Variants in MSI2 observed in about 807,000 individuals in gnomAD.
MSI2 encodes musashi RNA binding protein 2, also known as RNA-binding protein Musashi homolog 2.
In MSI2, 17 loss-of-function variants were observed where a neutral mutation model predicts 45.6. That is an observed-to-expected ratio of 0.37 (90% CI 0.26 to 0.56). The LOEUF (loss-of-function observed/expected upper bound fraction) is 0.56. Ranked by LOEUF, MSI2 falls within the 20% of genes least tolerant of loss-of-function variation. The probability of loss-of-function intolerance (pLI) is 0.77; values close to 1 mark genes in which losing one functional copy is unlikely to be tolerated. For synonymous variants in MSI2, 156 were observed against 158.2 expected (o/e 0.99, Z 0.11); for missense variants, 293 against 444.2 (o/e 0.66, Z 3.06).
intron 11 of MSI2, among the ~76,000 whole-genome samples, chr17:57,663,909 G>T (rs1403921185): frequency 6.6e-6 from 1 of 152,096 alleles, no homozygotes; most frequent in Non-Finnish European, 1.5e-5. Context: ...CCTGGCCTTC[G>T]AAGTTAAAGC....
At chr17:57,420,549 G>A (rs1376813337) in intron 6 of MSI2, among the ~76,000 whole-genome samples, 1 of 152,186 alleles carries the variant, frequency 6.6e-6, no homozygotes, top group African/African-American at 2.4e-5. Context: ...GAGGGAGTCG[G>A]CGCAGAGCTC....
At chr17:57,324,052 T>C (rs1913573999) in intron 5 of MSI2, among the ~76,000 whole-genome samples, 1 of 152,198 alleles carries the variant, frequency 6.6e-6, no homozygotes, top group South Asian at 2.1e-4. Context: ...CCCATGCCTG[T>C]AATCCCAGCA....
downstream of MSI2, among the ~76,000 whole-genome samples, chr17:57,685,307 G>A (rs1913849608): frequency 6.6e-6 from 1 of 152,152 alleles, no homozygotes; most frequent in South Asian, 2.1e-4. Flanking sequence ...GGTGATGACG[G>A]CTACAGCATG....
At position 57,486,956 on chromosome 17, in the gene MSI2, T is replaced by G. The variant is rs2085766382; in HGVS notation, c.406-42720T>G. 2.0e-5 allele frequency among the ~76,000 whole-genome samples: 3 copies of G among 152,106 alleles called. No individual in the cohort carries two copies. In the South Asian group the frequency reaches 6.2e-4, roughly 32 times the overall value. On this transcript the variant is annotated intron_variant, in intron 6 of 13. Transcript: ENST00000284073. Reference sequence around the variant, plus strand: ...ACCATAATACAAGGCAAGTAAGTACTGGGTGCATGCAAAGTGCTTTGGGAT... The same window carrying G: ...ACCATAATACAAGGCAAGTAAGTACGGGGTGCATGCAAAGTGCTTTGGGAT...
chr17:57,522,505 G>A (rs565571747), intron 6 of MSI2: 3 of 152,200 alleles, frequency 2.0e-5, no homozygotes, highest in South Asian at 4.2e-4. Flanking sequence ...GGCATGCATC[G>A]GCCACAGCAA....
chr17:57,314,279 G>A (rs575680676), intron 5 of MSI2, among the ~76,000 whole-genome samples: 13 of 152,260 alleles, frequency 8.5e-5, no homozygotes, highest in African/African-American at 3.1e-4. Flanking sequence ...TCTAAATACA[G>A]TCATATTTTG....
intron 6 of MSI2, among the ~76,000 whole-genome samples, chr17:57,469,766 A>G (rs2085398414): frequency 6.6e-6 from 1 of 152,248 alleles, no homozygotes; most frequent in Admixed American, 6.5e-5. Context: ...CCCCATCTCC[A>G]GAGTCTCCCT....
intron 7 of MSI2, among the ~76,000 whole-genome samples, chr17:57,584,419 C>T (rs2088288888): frequency 6.6e-6 from 1 of 152,202 alleles, no homozygotes; most frequent in Non-Finnish European, 1.5e-5. Flanking sequence ...AGACTCCAGG[C>T]AGGTTTGCTG....
intron 6 of MSI2, among the ~76,000 whole-genome samples, chr17:57,518,424 T>C (rs1158972321): frequency 6.6e-6 from 1 of 152,192 alleles, no homozygotes. Flanking sequence ...TGTCCTGATG[T>C]TTATTTCATG....
intron 10 of MSI2, among the ~76,000 whole-genome samples, chr17:57,651,039 T>C (rs1838058852): frequency 6.6e-6 from 1 of 152,198 alleles, no homozygotes; most frequent in Non-Finnish European, 1.5e-5. Flanking sequence ...CCTCCAAGCA[T>C]CTGCCTGGAT....
intron 6 of MSI2, among the ~76,000 whole-genome samples, chr17:57,496,654 T>C (rs8082362): frequency 0.91 from 139,236 of 152,262 alleles, 63,772 homozygotes; most frequent in African/African-American, 0.97. Flanking sequence ...GGCGGGAGTG[T>C]TGCGGGCAGC....
intron 5 of MSI2, among the ~76,000 whole-genome samples, chr17:57,275,074 A>C (rs1452155523): frequency 1.3e-5 from 2 of 152,216 alleles, no homozygotes; most frequent in East Asian, 3.8e-4. Flanking sequence ...GAGTATCTGA[A>C]GTTAGTTGAT....
intron 6 of MSI2, among the ~76,000 whole-genome samples, chr17:57,483,406 T>G (rs927987084): frequency 2.0e-5 from 3 of 152,174 alleles, no homozygotes; most frequent in Non-Finnish European, 4.4e-5. Flanking sequence ...TTAGGGTGCA[T>G]CCGAATCACC....
chr17:57,650,770 G>T (rs1378565407), intron 10 of MSI2, among the ~76,000 whole-genome samples: 2 of 152,180 alleles, frequency 1.3e-5, no homozygotes, highest in African/African-American at 2.4e-5. Context: ...GTAGTACCGT[G>T]TAGCTAGGAC....
chr17:57,389,665 C>T (rs1176649842), intron 5 of MSI2, among the ~76,000 whole-genome samples: 1 of 152,186 alleles, frequency 6.6e-6, no homozygotes, highest in African/African-American at 2.4e-5. Flanking sequence ...ACATGGCTTG[C>T]CACTGGAGAC....
chr17:57,447,147 A>G (rs2084914861), intron 6 of MSI2, among the ~76,000 whole-genome samples: 1 of 152,166 alleles, frequency 6.6e-6, no homozygotes, highest in African/African-American at 2.4e-5. Flanking sequence ...GAGTGCAGTG[A>G]CGCGATCATA....
chr17:57,500,770 C>T (rs1214632959), intron 6 of MSI2, among the ~76,000 whole-genome samples: 9 of 133,776 alleles, frequency 6.7e-5, no homozygotes, highest in Non-Finnish European at 1.1e-4. Flanking sequence ...CTCAGGAGTT[C>T]GAGGCCACCC....
intron 6 of MSI2, among the ~76,000 whole-genome samples, chr17:57,505,110 T>A (rs12103922): frequency 0.069 from 10,513 of 151,910 alleles, 578 homozygotes; most frequent in South Asian, 0.23. Flanking sequence ...GAAGGTGTGT[T>A]TGTCATTGTT....
At chr17:57,578,393 C>T (rs35792901) in intron 7 of MSI2, among the ~76,000 whole-genome samples, 4,681 of 152,144 alleles carry the variant, frequency 0.031, 156 homozygotes, top group East Asian at 0.17. Context: ...TCAGCCACCC[C>T]GCAGAACAAG....
Sources: allele counts gnomAD v4.1 joint callset (sites outside exome capture counted in the v4.1 genomes callset), GRCh38; gene constraint gnomAD v4.1.1; transcripts MANE v1.5; gene names NCBI Gene and HGNC (gene_info 2026-07-23, HGNC 2026-07-21).